The following ZNF892 variants were observed in gnomAD, a reference collection of about 807,000 sequenced individuals.
ZNF892 encodes zinc finger protein 892, also known as zinc finger protein 570-like.
At chr2:95,207,575 T>A in the ZNF892 span, 1 of 380,420 alleles carries the variant, frequency 2.6e-6, no homozygotes, top group Non-Finnish European at 4.7e-6. Flanking sequence ...GTTAGATGCC[T>A]TTGTCGTCGG....
the ZNF892 span, among the ~76,000 whole-genome samples, chr2:95,218,056 C>T: frequency 1.3e-5 from 2 of 152,142 alleles, no homozygotes; most frequent in Non-Finnish European, 2.9e-5. Context: ...GTTTTTCTGT[C>T]CCCTTTAGTG....
the ZNF892 span, among the ~76,000 whole-genome samples, chr2:95,224,699 C>T: frequency 4.6e-5 from 7 of 152,322 alleles, no homozygotes; most frequent in East Asian, 1.4e-3. Context: ...GGCAGGGCCA[C>T]AGACCCAAAC....
At chr2:95,258,139 T>C in the ZNF892 span, among the ~76,000 whole-genome samples, 2 of 152,142 alleles carry the variant, frequency 1.3e-5, no homozygotes, top group Non-Finnish European at 2.9e-5. Flanking sequence ...AATGCAGAAA[T>C]CACCCATCTT....
the ZNF892 span, among the ~76,000 whole-genome samples, chr2:95,240,427 TC>T: frequency 6.6e-6 from 1 of 152,154 alleles, no homozygotes; most frequent in South Asian, 2.1e-4. Flanking sequence ...ACCATGCTTC[TC>T]CCATGGATCT....
the ZNF892 span, chr2:95,214,380 G>A: frequency 2.5e-6 from 1 of 398,352 alleles, no homozygotes; most frequent in African/African-American, 2.1e-5. Flanking sequence ...TCCAGAGAAG[G>A]ATATTTCTGA....
the ZNF892 span, among the ~76,000 whole-genome samples, chr2:95,241,481 C>T: frequency 3.9e-5 from 6 of 152,028 alleles, no homozygotes; most frequent in Non-Finnish European, 8.8e-5. Context: ...CACAAAAATC[C>T]CATTCAAAGG....
At chr2:95,229,057 A>G in the ZNF892 span, among the ~76,000 whole-genome samples, 5 of 152,078 alleles carry the variant, frequency 3.3e-5, no homozygotes, top group Non-Finnish European at 7.4e-5. Flanking sequence ...GACCGGACCA[A>G]TGTACTTCTT....
chr2:95,221,827 C>G, the ZNF892 span, among the ~76,000 whole-genome samples: 2 of 152,060 alleles, frequency 1.3e-5, no homozygotes, highest in African/African-American at 2.4e-5. Flanking sequence ...TAAAATTCAC[C>G]CACTTAAAGG....
the ZNF892 span, among the ~76,000 whole-genome samples, chr2:95,206,418 G>C: frequency 2.0e-5 from 3 of 151,888 alleles, no homozygotes; most frequent in African/African-American, 7.3e-5. Flanking sequence ...AAATTCTTTC[G>C]GCCCCGAGGA....
chr2:95,242,922 G>A, the ZNF892 span, among the ~76,000 whole-genome samples: 176 of 152,186 alleles, frequency 1.2e-3, no homozygotes, highest in African/African-American at 3.5e-3. Context: ...CTGTACCCCT[G>A]CCATCTCGGC....
the ZNF892 span, among the ~76,000 whole-genome samples, chr2:95,235,686 A>T: frequency 6.6e-6 from 1 of 152,314 alleles, no homozygotes; most frequent in Non-Finnish European, 1.5e-5. Flanking sequence ...AGTGGCTCAG[A>T]CAACAGCAGG....
At chr2:95,262,334 A>G in the ZNF892 span, among the ~76,000 whole-genome samples, 2 of 152,070 alleles carry the variant, frequency 1.3e-5, no homozygotes. Flanking sequence ...CTTCATCCAC[A>G]CAGTGTCTAC....
the ZNF892 span, among the ~76,000 whole-genome samples, chr2:95,243,720 C>T: frequency 1.6e-4 from 24 of 147,150 alleles, no homozygotes; most frequent in African/African-American, 3.6e-4. Flanking sequence ...GAGGGAGGTG[C>T]GGGGGTCAGC....
chr2:95,240,737 G>C, the ZNF892 span, among the ~76,000 whole-genome samples: 947 of 152,324 alleles, frequency 6.2e-3, 6 homozygotes, highest in Non-Finnish European at 8.6e-3. Context: ...AACAGCAACT[G>C]GCTGGAGTCT....
the ZNF892 span, among the ~76,000 whole-genome samples, chr2:95,226,206 T>G: frequency 6.6e-6 from 1 of 152,238 alleles, no homozygotes; most frequent in Non-Finnish European, 1.5e-5. Flanking sequence ...CATGACATCC[T>G]TGGAAATCTA....
the ZNF892 span, among the ~76,000 whole-genome samples, chr2:95,236,570 C>T: frequency 6.6e-6 from 1 of 152,080 alleles, no homozygotes; most frequent in Non-Finnish European, 1.5e-5. Context: ...AAATTTTTAC[C>T]ACATTCAGTG....
At chr2:95,228,177 A>G in the ZNF892 span, among the ~76,000 whole-genome samples, 1 of 152,184 alleles carries the variant, frequency 6.6e-6, no homozygotes. Flanking sequence ...GTTTTGTAGA[A>G]TGTTCTACCA....
chr2:95,232,070 G>GA, the ZNF892 span: 1 of 152,186 alleles, frequency 6.6e-6, no homozygotes, highest in Non-Finnish European at 1.5e-5. Context: ...TGGAAAGCTG[G>GA]GTGGAGGAAG....
the ZNF892 span, among the ~76,000 whole-genome samples, chr2:95,243,468 T>A: frequency 1.4e-5 from 2 of 145,158 alleles, no homozygotes; most frequent in East Asian, 4.3e-4. Flanking sequence ...CGGCCGCCCA[T>A]CGTCTGAGAT....
Sources: gnomAD v4.1 joint callset for allele counts (sites outside exome capture counted in the v4.1 genomes callset) on GRCh38, gnomAD v4.1.1 for gene constraint, MANE v1.5 for transcripts, NCBI Gene and HGNC (gene_info 2026-07-23, HGNC 2026-07-21) for gene names.